NAV2: variants seen among roughly 807,000 people sequenced by gnomAD.
NAV2 encodes the protein helicase, APC down-regulated 1.
A neutral mutation model predicts 223.2 loss-of-function variants in NAV2; 54 were observed. The observed-to-expected ratio is 0.24, with a 90% CI of 0.19 to 0.30. The LOEUF (loss-of-function observed/expected upper bound fraction) is 0.30, where lower values mean the gene tolerates loss of function less well. NAV2 is among the 10% of genes least tolerant of loss of function. The pLI is 1.00. For synonymous variants in NAV2, 1,279 were observed against 1,239.3 expected (o/e 1.03, Z -0.67); for missense variants, 2,806 against 3,147.5 (o/e 0.89, Z 2.60).
chr11:19,404,109 C>CT (rs1213465412), intron 1 of NAV2, among the ~76,000 whole-genome samples: 1 of 152,086 alleles, frequency 6.6e-6, no homozygotes, highest in Non-Finnish European at 1.5e-5. Context: ...AGGTGGAGGC[C>CT]TTGAGTACAG....
At chr11:19,780,559 C>T (rs759023203) in intron 1 of NAV2, among the ~76,000 whole-genome samples, 1 of 152,266 alleles carries the variant, frequency 6.6e-6, no homozygotes, top group African/African-American at 2.4e-5. Flanking sequence ...TCAGAAAGAC[C>T]TGTAGCCAGA....
At chr11:20,027,400 G>A (rs1439047945) in intron 11 of NAV2, 2 of 945,210 alleles carry the variant, frequency 2.1e-6, no homozygotes, top group East Asian at 1.3e-4. Flanking sequence ...CTGTCTGGCG[G>A]GGGGCATGGG....
At chr11:19,632,145 T>A (rs1440362828) in intron 1 of NAV2, among the ~76,000 whole-genome samples, 1 of 152,210 alleles carries the variant, frequency 6.6e-6, no homozygotes, top group Non-Finnish European at 1.5e-5. Flanking sequence ...CTGTATTGGT[T>A]GGATTTCCTG....
chr11:19,405,801 A>G (rs1475210233), intron 1 of NAV2, among the ~76,000 whole-genome samples: 2 of 152,248 alleles, frequency 1.3e-5, no homozygotes, highest in African/African-American at 4.8e-5. Context: ...ATCAGGGAAC[A>G]TGATTGTTCT....
intron 1 of NAV2, among the ~76,000 whole-genome samples, chr11:19,812,832 A>G (rs2058901572): frequency 6.6e-6 from 1 of 152,144 alleles, no homozygotes. Context: ...TCCTGTCCAC[A>G]ATGAAAAAAG....
At chr11:19,346,584 C>T (rs1564865107), upstream of NAV2, among the ~76,000 whole-genome samples, 1 of 152,184 alleles carries the variant, frequency 6.6e-6, no homozygotes, top group Non-Finnish European at 1.5e-5. Flanking sequence ...CAGCTGGGGC[C>T]CTAGTGACTT....
intron 1 of NAV2, chr11:19,777,993 A>G (rs759297094): frequency 2.2e-6 from 1 of 455,776 alleles, no homozygotes; most frequent in South Asian, 1.5e-5. Context: ...GTGAGTGAGT[A>G]TGCACCGGGT....
intron 11 of NAV2, among the ~76,000 whole-genome samples, chr11:20,006,540 T>TGGCA (rs113256638): frequency 6.6e-6 from 1 of 152,096 alleles, no homozygotes; most frequent in African/African-American, 2.4e-5. Context: ...CCAGGTGTGG[T>TGGCA]GGCAGGTGCC....
At chr11:19,661,070 T>G (rs2048265972) in intron 1 of NAV2, among the ~76,000 whole-genome samples, 1 of 152,136 alleles carries the variant, frequency 6.6e-6, no homozygotes, top group Admixed American at 6.6e-5. Flanking sequence ...AAACTGAAAC[T>G]CTCTACCCCT....
Position 19,892,376 on chromosome 11 carries a change from C to T in NAV2, c.771-58C>T, listed in dbSNP as rs1437802860. On this transcript the variant is annotated intron_variant, in intron 5 of 37. Coordinates refer to ENST00000349880, the MANE Select transcript of NAV2 (RefSeq NM_145117.5). ...CCTGCATGGTTGCAGTTCCTTCTTC[C>T]TACACACTGTTATTCTTCTGAGACT... 5 of 1,544,936 alleles carry T rather than the reference C, an allele frequency of 3.2e-6. No individual in the cohort carries two copies. The Admixed American group carries it at 5.3e-5, about 16-fold the overall frequency.
At chr11:19,749,573 G>A (rs866480342) in intron 1 of NAV2, among the ~76,000 whole-genome samples, 1 of 152,082 alleles carries the variant, frequency 6.6e-6, no homozygotes. Flanking sequence ...CTCCTTATGG[G>A]AACAATATCT....
intron 1 of NAV2, among the ~76,000 whole-genome samples, chr11:19,410,049 T>A (rs1364570112): frequency 6.6e-6 from 1 of 152,152 alleles, no homozygotes; most frequent in South Asian, 2.1e-4. Flanking sequence ...GGCCCCAGGA[T>A]GTCCACAGCT....
intron 10 of NAV2, 135 bp from the exon 11 acceptor site, chr11:19,983,990 C>T: frequency 1.8e-6 from 2 of 1,129,958 alleles, no homozygotes; most frequent in Non-Finnish European, 2.6e-6. Flanking sequence ...GTGATCAGTG[C>T]CAGAGCCTCA....
chr11:20,083,311 A>C (rs1592056114), intron 26 of NAV2, 132 bp downstream of exon 26: 1 of 673,846 alleles, frequency 1.5e-6, no homozygotes. Flanking sequence ...AGGACTGTGC[A>C]TGTTCTTTCA....
chr11:19,962,741 G>T lies in NAV2; in HGVS notation c.2645+13661G>T, dbSNP rs553805110. Among the ~76,000 whole-genome samples the T allele has an allele frequency of 2.6e-5, 4 of 152,284 alleles. No individual in the cohort carries two copies. The East Asian group carries it at 7.7e-4, about 29-fold the overall frequency. On this transcript the variant is annotated intron_variant, in intron 10 of 37. Transcript: ENST00000349880. ...CTGGCATGGACACCTCCAGAGAGCT[G>T]ATGATTTTTGAGACCCAAAAATGAA... is the stretch of plus-strand genomic sequence containing the variant.
intron 1 of NAV2, among the ~76,000 whole-genome samples, chr11:19,719,377 G>C (rs57175138): frequency 0.068 from 10,319 of 152,174 alleles, 1,114 homozygotes; most frequent in African/African-American, 0.23. Flanking sequence ...GCAGTTTTAC[G>C]TGGTAAATTC....
chr11:19,393,808 C>G (rs2729859), intron 1 of NAV2, among the ~76,000 whole-genome samples: 1 of 151,466 alleles, frequency 6.6e-6, no homozygotes, highest in Non-Finnish European at 1.5e-5. Flanking sequence ...GCAATTTGCT[C>G]GCCTTAAATT....
chr11:20,113,262 C>T (rs988316747), intron 36 of NAV2, among the ~76,000 whole-genome samples: 2 of 152,068 alleles, frequency 1.3e-5, no homozygotes, highest in East Asian at 1.9e-4. Flanking sequence ...GCAAGGTATT[C>T]GTAAAGCATT....
chr11:19,659,566 A>C (rs566721621), intron 1 of NAV2, among the ~76,000 whole-genome samples: 1 of 152,146 alleles, frequency 6.6e-6, no homozygotes, highest in South Asian at 2.1e-4. Flanking sequence ...CAGGCAAGAG[A>C]TGATGGTGGC....
Sources: allele counts gnomAD v4.1 joint callset (sites outside exome capture counted in the v4.1 genomes callset), GRCh38; gene constraint gnomAD v4.1.1; transcripts MANE v1.5; gene names NCBI Gene and HGNC (gene_info 2026-07-23, HGNC 2026-07-21).